Variants in APBA1 observed in about 807,000 individuals in gnomAD.
APBA1 encodes the protein amyloid beta precursor protein binding family A member 1.
APBA1 carries 55 observed loss-of-function variants against 86.6 expected under a neutral mutation model. The observed-to-expected ratio is 0.64, with a 90% CI of 0.51 to 0.80. The LOEUF (loss-of-function observed/expected upper bound fraction) is 0.80, where lower values mean the gene tolerates loss of function less well. APBA1 is among the 30% of genes least tolerant of loss of function. APBA1 has a pLI of 0.00. For missense variants in APBA1, 1,090 were observed against 1,183.0 expected (o/e 0.92, Z 1.15); for synonymous variants, 511 against 493.9 (o/e 1.03, Z -0.46).
chr9:69,446,623 T>A (rs1450236818), intron 10 of APBA1, among the ~76,000 whole-genome samples: 1 of 152,218 alleles, frequency 6.6e-6, no homozygotes, highest in African/African-American at 2.4e-5. Context: ...GGAGTCAGGC[T>A]GCCCTCATAG....
chr9:69,464,161 C>A (rs560253623), intron 5 of APBA1: 2 of 152,290 alleles, frequency 1.3e-5, no homozygotes, highest in Non-Finnish European at 2.9e-5. Context: ...AGTCCGTGTA[C>A]GCTCCCTGAC....
chr9:69,525,262 T>C (rs1395164974), intron 1 of APBA1, among the ~76,000 whole-genome samples: 2 of 152,108 alleles, frequency 1.3e-5, no homozygotes, highest in African/African-American at 4.8e-5. Context: ...ATTAAAGGCA[T>C]CAAAATAGGG....
intron 1 of APBA1, among the ~76,000 whole-genome samples, chr9:69,523,838 A>G (rs1261624595): frequency 1.3e-5 from 2 of 152,066 alleles, no homozygotes; most frequent in Non-Finnish European, 2.9e-5. Context: ...CCATAAAGCA[A>G]GTCTCCATGA....
At chr9:69,452,061 C>A in intron 9 of APBA1, 61 bp downstream of exon 9, 1 of 1,524,732 alleles carries the variant, frequency 6.6e-7, no homozygotes, top group South Asian at 1.2e-5. Flanking sequence ...CAGGGTGCCC[C>A]ACTTTCCAAG....
At chr9:69,613,949 A>AT (rs61540048) in intron 1 of APBA1, among the ~76,000 whole-genome samples, 10 of 151,334 alleles carry the variant, frequency 6.6e-5, no homozygotes, top group Non-Finnish European at 1.5e-4. Flanking sequence ...ATTGCAAAAT[A>AT]TTTTTTTTTA....
chr9:69,434,155 T>C (rs181619418), intron 11 of APBA1, among the ~76,000 whole-genome samples: 4 of 152,316 alleles, frequency 2.6e-5, no homozygotes, highest in East Asian at 3.9e-4. Flanking sequence ...CCCTGCACTG[T>C]ACAGCCCCAG....
At chr9:69,443,654 G>C (rs949597048) in intron 10 of APBA1, among the ~76,000 whole-genome samples, 2 of 152,140 alleles carry the variant, frequency 1.3e-5, no homozygotes, top group African/African-American at 4.8e-5. Context: ...GAAAGGACAG[G>C]AGCTGTCTCA....
intron 1 of APBA1, among the ~76,000 whole-genome samples, chr9:69,531,373 A>T (rs1440526228): frequency 6.6e-6 from 1 of 152,070 alleles, no homozygotes; most frequent in Non-Finnish European, 1.5e-5. Flanking sequence ...AATTATCAGA[A>T]TTTTCTCTCT....
chr9:69,440,485 G>GGTGCCC (rs1301430492), intron 11 of APBA1, among the ~76,000 whole-genome samples: 1 of 151,880 alleles, frequency 6.6e-6, no homozygotes, highest in Non-Finnish European at 1.5e-5. Flanking sequence ...GGCAATGGTG[G>GGTGCCC]GTGCCCCTCC....
At position 69,456,246 on chromosome 9, in the gene APBA1, C is replaced by T; in HGVS notation, c.1788+1G>A. ...AGGAGATCAAAGGAAGCAACCCTTA[C>T]ATCCTCAGACTCGAAGACGTGGCAG... On this transcript the variant is annotated splice_donor_variant, in intron 8 of 12. Coordinates refer to ENST00000265381, the MANE Select transcript of APBA1 (RefSeq NM_001163.4). LOFTEE classifies it high-confidence loss of function. 4.3e-6 allele frequency: 7 copies of T among 1,614,236 alleles called. No homozygotes were observed. The highest frequency in any genetic ancestry group is 5.9e-6 in the Non-Finnish European group (7 of 1,180,048).
intron 5 of APBA1, among the ~76,000 whole-genome samples, chr9:69,458,569 C>T (rs1203798430): frequency 1.3e-5 from 2 of 152,144 alleles, no homozygotes; most frequent in African/African-American, 2.4e-5. Flanking sequence ...GACTTCTCAG[C>T]TTCCTGAGAT....
intron 1 of APBA1, among the ~76,000 whole-genome samples, chr9:69,557,571 C>T (rs1406376113): frequency 1.3e-5 from 2 of 152,164 alleles, no homozygotes; most frequent in East Asian, 3.8e-4. Context: ...TAACACCTTT[C>T]CCTTCTTTGA....
At chr9:69,467,799 G>A (rs753726378) in intron 5 of APBA1, 24 bp downstream of exon 5, 1 of 1,613,936 alleles carries the variant, frequency 6.2e-7, no homozygotes, top group Non-Finnish European at 8.5e-7. Flanking sequence ...CCCTGTCCCT[G>A]TTGGAGCACC....
At chr9:69,660,957 G>A (rs573394935) in intron 1 of APBA1, among the ~76,000 whole-genome samples, 7 of 152,330 alleles carry the variant, frequency 4.6e-5, no homozygotes, top group Admixed American at 2.0e-4. Context: ...ACTGAGGTCC[G>A]TGGGACAAAT....
intron 1 of APBA1, among the ~76,000 whole-genome samples, chr9:69,530,256 C>A (rs1362365945): frequency 6.6e-6 from 1 of 150,522 alleles, no homozygotes; most frequent in Admixed American, 6.6e-5. Context: ...ATGGAATCAA[C>A]CCAAGTGTCT....
At chr9:69,627,226 TGAA>T (rs1822951085) in intron 1 of APBA1, among the ~76,000 whole-genome samples, 1 of 152,174 alleles carries the variant, frequency 6.6e-6, no homozygotes, top group Non-Finnish European at 1.5e-5. Flanking sequence ...TTTTCAACTG[TGAA>T]GGGTTGCCTT....
At chr9:69,504,956 C>CTT (rs1835932091) in intron 2 of APBA1, among the ~76,000 whole-genome samples, 1 of 151,924 alleles carries the variant, frequency 6.6e-6, no homozygotes. Context: ...TCAGCCATAC[C>CTT]CCTCATATTT....
At chr9:69,468,512 C>CG (rs1835316912) in intron 4 of APBA1, among the ~76,000 whole-genome samples, 1 of 152,192 alleles carries the variant, frequency 6.6e-6, no homozygotes, top group Non-Finnish European at 1.5e-5. Context: ...ATATCTGTTT[C>CG]AGAATGTCTG....
At chr9:69,651,434 T>G (rs2134016238) in intron 1 of APBA1, among the ~76,000 whole-genome samples, 1 of 152,340 alleles carries the variant, frequency 6.6e-6, no homozygotes, top group Non-Finnish European at 1.5e-5. Flanking sequence ...ACTTCTATTA[T>G]AAAACAATCT....
Sources: allele counts gnomAD v4.1 joint callset (sites outside exome capture counted in the v4.1 genomes callset), GRCh38; gene constraint gnomAD v4.1.1; transcripts MANE v1.5; gene names NCBI Gene and HGNC (gene_info 2026-07-23, HGNC 2026-07-21).